NFIX: variants seen among roughly 807,000 people sequenced by gnomAD.
The protein encoded by NFIX is nuclear factor I X.
NFIX carries 2 observed loss-of-function variants against 53.3 expected under a neutral mutation model. That is an observed-to-expected ratio of 0.04 (90% CI 0.02 to 0.12). The LOEUF (loss-of-function observed/expected upper bound fraction) is 0.12, where lower values mean the gene tolerates loss of function less well. NFIX is among the 10% of genes least tolerant of loss of function. NFIX has a pLI of 1.00. For missense variants in NFIX, 310 were observed against 674.5 expected (o/e 0.46, Z 5.99); for synonymous variants, 244 against 289.0 (o/e 0.84, Z 1.58).
At chr19:13,026,280 C>T (rs753920807) in intron 2 of NFIX, among the ~76,000 whole-genome samples, 1 of 151,826 alleles carries the variant, frequency 6.6e-6, no homozygotes, top group Non-Finnish European at 1.5e-5. Context: ...TGGATGCCCA[C>T]AGCCCTGGCA....
At position 13,072,551 on chromosome 19, in the gene NFIX, A is replaced by G. The variant is rs894229342; in HGVS notation, c.560-496A>G. On this transcript the variant is annotated intron_variant, in intron 2 of 10. Transcript: ENST00000592199. The surrounding 1 kb of genome is among the most constrained non-coding windows in gnomAD (Gnocchi z 4.0). The stretch of plus-strand genomic sequence containing the variant: ...TCTGGGAGCTGGAGCTGGGTGGGGG[A>G]TGGGGGACCCTTGGGTCTGTCCCCG... Among the ~76,000 whole-genome samples the G allele has an allele frequency of 6.6e-6, 1 of 152,146 alleles. No individual in the cohort carries two copies. Among genetic ancestry groups the G allele is most frequent in the Admixed American group, 6.5e-5 (1 of 15,280 alleles).
Position 13,024,143 on chromosome 19 carries a change from G to A in NFIX, c.28-878G>A. ...AAAAAAAAAAAAACCAAACAAAACCGAGAGAGCCCATCCTTCTGTCACCTG... is the reference window on the plus strand; with the variant it reads ...AAAAAAAAAAAAACCAAACAAAACCAAGAGAGCCCATCCTTCTGTCACCTG... On this transcript the variant is annotated intron_variant, in intron 1 of 10. Transcript: ENST00000592199. 4 of 784,948 alleles carry A rather than the reference G, an allele frequency of 5.1e-6. No homozygotes were observed. In the South Asian group the frequency reaches 5.2e-5, roughly 10 times the overall value. The allele number at this position is 784,948 out of a possible 1,614,324, so 48.6% of individuals were successfully genotyped here. A position where few individuals can be genotyped will look rare whatever the true frequency, so the allele number is the denominator to read the frequency against.
intron 8 of NFIX, chr19:13,082,060 C>T (rs749537129): frequency 2.9e-5 from 18 of 610,224 alleles, no homozygotes; most frequent in South Asian, 6.4e-5. Flanking sequence ...TATCATGGTC[C>T]GGAGAGGTGG....
chr19:13,019,252 T>A (rs901958273), intron 1 of NFIX, among the ~76,000 whole-genome samples: 1 of 152,176 alleles, frequency 6.6e-6, no homozygotes, highest in African/African-American at 2.4e-5. Flanking sequence ...CTGGGAAGAT[T>A]ATTTTGTTTC....
chr19:13,090,427 A>G lies in NFIX; in HGVS notation c.1494+37A>G, dbSNP rs777320856. ...TGCCCACCACCTGGATGCAGGGACC[A>G]GGGGAGTAGTCAGGGTTGGGGGGCA... is the stretch of plus-strand genomic sequence containing the variant. On this transcript the variant is annotated intron_variant, in intron 10 of 10. Coordinates refer to ENST00000592199, the MANE Select transcript of NFIX (RefSeq NM_001365902.3). This position sits in a 1 kb window ranked among gnomAD's most constrained non-coding sequence, Gnocchi z 6.6. 6.3e-7 allele frequency: 1 copy of G among 1,581,674 alleles called. No individual in the cohort carries two copies. The highest frequency in any genetic ancestry group is 1.1e-5 in the South Asian group (1 of 90,452).
rs987994840 is a variant in NFIX at position 13,051,485 on chromosome 19, C to T, written c.560-21562C>T. ...TGCTGCTTTTCTTCTCGCTGGTTCT[C>T]CCCTGTCCTTCTCTAGCTGGGATTC... On this transcript the variant is annotated intron_variant, in intron 2 of 10. Transcript: ENST00000592199. The surrounding 1 kb of genome is among the most constrained non-coding windows in gnomAD (Gnocchi z 5.1). Among the ~76,000 whole-genome samples the T allele has an allele frequency of 3.9e-5, 6 of 152,216 alleles. No homozygotes were observed. Among genetic ancestry groups the T allele is most frequent in the Non-Finnish European group, 8.8e-5 (6 of 68,030 alleles).
chr19:13,085,069 CAAAAAA>C (rs555726363), intron 8 of NFIX, among the ~76,000 whole-genome samples: 101 of 54,952 alleles, frequency 1.8e-3, no homozygotes, highest in African/African-American at 6.1e-3. Context: ...GACTCCATCT[CAAAAAA>C]AAAAAAAAAA....
At chr19:13,008,820 A>G (rs1190182629) in intron 1 of NFIX, among the ~76,000 whole-genome samples, 1 of 152,090 alleles carries the variant, frequency 6.6e-6, no homozygotes, top group Non-Finnish European at 1.5e-5. Flanking sequence ...GGTGAAGGAG[A>G]GGCTCTGTCA....
intron 1 of NFIX, among the ~76,000 whole-genome samples, chr19:13,023,594 G>T (rs1334186231): frequency 6.6e-6 from 1 of 151,478 alleles, no homozygotes; most frequent in African/African-American, 2.4e-5. Flanking sequence ...GAGATGGTGG[G>T]AGGCTGGTTT....
At chr19:13,054,294 C>T (rs898787078) in intron 2 of NFIX, among the ~76,000 whole-genome samples, 10 of 152,202 alleles carry the variant, frequency 6.6e-5, no homozygotes, top group Non-Finnish European at 1.0e-4. Context: ...TTGATATGTT[C>T]TCATCTGTAA....
rs2018282421 is a variant in NFIX at position 13,093,834 on chromosome 19, G to C, written c.1495-801G>C. Among the ~76,000 whole-genome samples, 1 of 152,136 alleles carries C rather than the reference G, an allele frequency of 6.6e-6. No individual in the cohort carries two copies. On this transcript the variant is annotated intron_variant, in intron 10 of 10. Transcript: ENST00000592199. This position sits in a 1 kb window ranked among gnomAD's most constrained non-coding sequence, Gnocchi z 4.7. The stretch of plus-strand genomic sequence containing the variant: ...ACCCACCACTTTGCCAGGAGGTGGG[G>C]CTGGAGCCTTGGATGGAGGGCGTAG...
At chr19:13,020,325 C>T (rs1317267832) in intron 1 of NFIX, among the ~76,000 whole-genome samples, 1 of 152,162 alleles carries the variant, frequency 6.6e-6, no homozygotes, top group Non-Finnish European at 1.5e-5. Context: ...GGAGGGGGCC[C>T]GCAGTGAAGG....
chr19:13,015,998 G>T (rs999919510), intron 1 of NFIX, among the ~76,000 whole-genome samples: 1 of 152,180 alleles, frequency 6.6e-6, no homozygotes, highest in African/African-American at 2.4e-5. Context: ...GAACTGTATA[G>T]CTTAAAAATT....
At chr19:13,042,641 G>A (rs1416436261) in intron 2 of NFIX, among the ~76,000 whole-genome samples, 1 of 152,026 alleles carries the variant, frequency 6.6e-6, no homozygotes, top group Non-Finnish European at 1.5e-5. Context: ...ACAGGAGTGA[G>A]CCACCATGCC....
At chr19:13,050,934 G>A (rs750888957) in intron 2 of NFIX, among the ~76,000 whole-genome samples, 3 of 152,192 alleles carry the variant, frequency 2.0e-5, no homozygotes, top group Non-Finnish European at 2.9e-5. Flanking sequence ...TGTCCCTTCC[G>A]TCCTTCCAGA....
At position 13,073,495 on chromosome 19, in the gene NFIX, GAGTA is replaced by G. The variant is rs763835168; in HGVS notation, c.697+3_697+6del. The G allele has an allele frequency of 2.0e-5, 33 of 1,613,428 alleles. No homozygotes were observed. The highest frequency in any genetic ancestry group is 5.0e-5 in the Admixed American group (3 of 60,028). On this transcript the variant is annotated splice_donor_variant and splice_donor_region_variant and coding_sequence_variant and intron_variant, in exon 4 of 11. Coordinates refer to ENST00000592199, the MANE Select transcript of NFIX (RefSeq NM_001365902.3). LOFTEE classifies it high-confidence loss of function. This position sits in a 1 kb window ranked among gnomAD's most constrained non-coding sequence, Gnocchi z 4.5. ...TGACGGAGCTGGTGAGAGTATCACA[GAGTA>G]AGTGAGTCCTTCCTTCCAGGCCAGG...
At chr19:13,046,637 A>C (rs994253633) in intron 2 of NFIX, among the ~76,000 whole-genome samples, 1 of 152,158 alleles carries the variant, frequency 6.6e-6, no homozygotes, top group Non-Finnish European at 1.5e-5. Context: ...GCTTCCTGTC[A>C]AACATTGGGA....
rs1173206876 is a variant in NFIX, at chr19:13,012,147, G to T, written c.28-12874G>T. On this transcript the variant is annotated intron_variant, in intron 1 of 10. Transcript: ENST00000592199. This position sits in a 1 kb window ranked among gnomAD's most constrained non-coding sequence, Gnocchi z 5.0. ...GTGCGCAGCGACGAAAAGGCGGGAA[G>T]CGGCGCTTCGAGGCCCCGGATGTCA... is the stretch of plus-strand genomic sequence containing the variant. 6.6e-6 allele frequency: 1 copy of T among 152,280 alleles called. No homozygotes were observed. Among genetic ancestry groups the T allele is most frequent in the Admixed American group, 6.5e-5 (1 of 15,288 alleles). The allele number at this position is 152,280 out of a possible 1,614,324, so 9.4% of individuals were successfully genotyped here. A position where few individuals can be genotyped will look rare whatever the true frequency, so the allele number is the denominator to read the frequency against.
Position 13,066,312 on chromosome 19 carries a change from G to A in NFIX, c.560-6735G>A, listed in dbSNP as rs2016397067. Among the ~76,000 whole-genome samples, 1 of 152,160 alleles carries A rather than the reference G, an allele frequency of 6.6e-6. No homozygotes were observed. Among genetic ancestry groups the A allele is most frequent in the Non-Finnish European group, 1.5e-5 (1 of 68,008 alleles). The stretch of plus-strand genomic sequence containing the variant: ...GATGGAGAGGGGAATGTCCCATCCA[G>A]ATGCTGGCCCTTCATCTGCCAGGTT... On this transcript the variant is annotated intron_variant, in intron 2 of 10. Transcript: ENST00000592199. The surrounding 1 kb of genome is among the most constrained non-coding windows in gnomAD (Gnocchi z 4.2).
Sources: allele counts gnomAD v4.1 joint callset (sites outside exome capture counted in the v4.1 genomes callset), GRCh38; gene constraint gnomAD v4.1.1; non-coding constraint Gnocchi (gnomAD v3.1); transcripts MANE v1.5; gene names NCBI Gene and HGNC (gene_info 2026-07-23, HGNC 2026-07-21).